The following COMMD10 variants were observed in gnomAD, a reference collection of about 807,000 sequenced individuals.
The protein encoded by COMMD10 is COMM domain containing 10.
In COMMD10, 33 loss-of-function variants were observed where a neutral mutation model predicts 28.9. That is an observed-to-expected ratio of 1.14 (90% CI 0.87 to 1.53). The LOEUF is 1.53. Ranked by LOEUF, COMMD10 falls within the 40% of genes most tolerant of loss-of-function variation. COMMD10 has a pLI of 0.00. For synonymous variants in COMMD10, 110 were observed against 81.7 expected, an observed-to-expected ratio of 1.35 and a Z score of -1.87; for missense variants, 310 against 233.4, an observed-to-expected ratio of 1.33 and a Z score of -2.14.
chr5:116,233,960 G>A (rs911308657), intron 5 of COMMD10, among the ~76,000 whole-genome samples: 9 of 152,138 alleles, frequency 5.9e-5, no homozygotes, highest in African/African-American at 2.2e-4. Flanking sequence ...AACTGGAAAG[G>A]TGAAGTTTTT....
At chr5:116,286,854 A>G (rs1001300677) in intron 5 of COMMD10, among the ~76,000 whole-genome samples, 4 of 151,878 alleles carry the variant, frequency 2.6e-5, no homozygotes, top group Non-Finnish European at 1.5e-5. Flanking sequence ...AGTGTTCCGT[A>G]TATGTCTGTT....
At chr5:116,235,397 C>G (rs2218884) in intron 5 of COMMD10, among the ~76,000 whole-genome samples, 55,593 of 151,974 alleles carry the variant, frequency 0.37, 12,780 homozygotes, top group African/African-American at 0.66. Context: ...AGTTGAAAAG[C>G]TGTCATTTAA....
At chr5:116,203,885 T>G (rs962665038) in intron 5 of COMMD10, among the ~76,000 whole-genome samples, 18 of 151,506 alleles carry the variant, frequency 1.2e-4, no homozygotes, top group Non-Finnish European at 2.5e-4. Context: ...AATTCACACA[T>G]AACAATATTA....
At chr5:116,206,733 T>C (rs1748823627) in intron 5 of COMMD10, among the ~76,000 whole-genome samples, 1 of 152,168 alleles carries the variant, frequency 6.6e-6, no homozygotes, top group Admixed American at 6.5e-5. Flanking sequence ...TTGGAGAATA[T>C]AATTGGTGAA....
At chr5:116,137,235 C>T (rs895673529) in intron 5 of COMMD10, among the ~76,000 whole-genome samples, 1 of 151,960 alleles carries the variant, frequency 6.6e-6, no homozygotes, top group African/African-American at 2.4e-5. Flanking sequence ...GGACCACAAA[C>T]TACTTTTCTT....
intron 5 of COMMD10, among the ~76,000 whole-genome samples, chr5:116,187,248 G>A (rs1023416500): frequency 3.3e-5 from 5 of 151,996 alleles, no homozygotes; most frequent in African/African-American, 9.7e-5. Flanking sequence ...CTTATAATTA[G>A]GAACTATCTG....
At chr5:116,210,501 G>A (rs551118341) in intron 5 of COMMD10, among the ~76,000 whole-genome samples, 1 of 151,948 alleles carries the variant, frequency 6.6e-6, no homozygotes, top group Admixed American at 6.6e-5. Flanking sequence ...TAGAGCATAC[G>A]TTCAGTATTT....
At chr5:116,253,547 G>T (rs1467217324) in intron 5 of COMMD10, among the ~76,000 whole-genome samples, 1 of 136,042 alleles carries the variant, frequency 7.4e-6, no homozygotes, top group East Asian at 2.1e-4. Context: ...TGCATCTGTT[G>T]AGATAATCAT....
chr5:116,229,924 C>T (rs964073513), intron 5 of COMMD10, among the ~76,000 whole-genome samples: 1 of 151,530 alleles, frequency 6.6e-6, no homozygotes, highest in African/African-American at 2.4e-5. Flanking sequence ...ATTTAGACCA[C>T]CTAAAAACAC....
rs115986970 is a variant in COMMD10 at position 116,200,210 on chromosome 5, C to T, written c.510+66032C>T. On this transcript the variant is annotated intron_variant, in intron 5 of 6. Coordinates refer to ENST00000274458, the MANE Select transcript of COMMD10 (RefSeq NM_016144.4). Reference sequence around the variant, plus strand: ...GTGCCATCAAACAGTAGGTCTTATTCGTTTTTTCTACTATATATACTTTTT... The same window carrying T: ...GTGCCATCAAACAGTAGGTCTTATTTGTTTTTTCTACTATATATACTTTTT... 3.0e-3 allele frequency among the ~76,000 whole-genome samples: 451 copies of T among 152,086 alleles called. 3 individuals carry two copies. The highest frequency in any genetic ancestry group is 0.01 in the African/African-American group (432 of 41,518).
chr5:116,207,424 A>G (rs1037801927), intron 5 of COMMD10, among the ~76,000 whole-genome samples: 4 of 152,204 alleles, frequency 2.6e-5, no homozygotes, highest in Non-Finnish European at 4.4e-5. Flanking sequence ...TGGTCCTTCA[A>G]GAAGTTGTAC....
chr5:116,280,592 G>A (rs571789815), intron 5 of COMMD10, among the ~76,000 whole-genome samples: 43 of 151,730 alleles, frequency 2.8e-4, no homozygotes, highest in South Asian at 6.2e-4. Flanking sequence ...CACTTTTCTC[G>A]GGCAGCACAT....
chr5:116,188,639 C>CTCTT (rs1554099295), intron 5 of COMMD10: 1 of 133,812 alleles, frequency 7.5e-6, no homozygotes, highest in African/African-American at 2.9e-5. Context: ...CTCTCTCTCT[C>CTCTT]TTTTTTTTTT....
chr5:116,211,506 A>G (rs993854649), intron 5 of COMMD10, among the ~76,000 whole-genome samples: 2 of 152,146 alleles, frequency 1.3e-5, no homozygotes, highest in African/African-American at 2.4e-5. Context: ...TTTTGGTTCT[A>G]TTTTAATCTT....
intron 1 of COMMD10, among the ~76,000 whole-genome samples, chr5:116,086,610 C>T (rs1352397376): frequency 6.6e-6 from 1 of 152,208 alleles, no homozygotes; most frequent in Non-Finnish European, 1.5e-5. Flanking sequence ...AGGCACCCGC[C>T]ACCACGCCCA....
At chr5:116,114,918 G>C (rs912801964) in intron 4 of COMMD10, among the ~76,000 whole-genome samples, 1 of 152,014 alleles carries the variant, frequency 6.6e-6, no homozygotes, top group African/African-American at 2.4e-5. Context: ...CACATCTTGG[G>C]GGTTGCCTAG....
At chr5:116,152,683 T>C (rs1752572699) in intron 5 of COMMD10, among the ~76,000 whole-genome samples, 1 of 152,114 alleles carries the variant, frequency 6.6e-6, no homozygotes, top group South Asian at 2.1e-4. Context: ...GCATGGTCTT[T>C]TTTTAAAATG....
intron 5 of COMMD10, among the ~76,000 whole-genome samples, chr5:116,264,751 G>T (rs1750539569): frequency 6.6e-6 from 1 of 151,694 alleles, no homozygotes; most frequent in Non-Finnish European, 1.5e-5. Flanking sequence ...ATTTCTGTCA[G>T]GTTTTGCAAA....
At chr5:116,106,106 TTTTG>T (rs1750830822) in intron 4 of COMMD10, among the ~76,000 whole-genome samples, 1 of 148,420 alleles carries the variant, frequency 6.7e-6, no homozygotes, top group Non-Finnish European at 1.5e-5. Flanking sequence ...TTATTTTTTT[TTTTG>T]TGTGGGCATT....
Sources: gnomAD v4.1 joint callset for allele counts (sites outside exome capture counted in the v4.1 genomes callset) on GRCh38, gnomAD v4.1.1 for gene constraint, MANE v1.5 for transcripts, NCBI Gene and HGNC (gene_info 2026-07-23, HGNC 2026-07-21) for gene names.